Variants in PCDHA8 observed in about 807,000 individuals in gnomAD.
The protein encoded by PCDHA8 is protocadherin alpha-8.
Under a neutral mutation model 61.8 loss-of-function variants are expected in PCDHA8, and 53 were observed. The ratio of observed to expected loss-of-function variants is 0.86; its 90% CI spans 0.69 to 1.08. PCDHA8 has a LOEUF of 1.08. Among genes scored for constraint, PCDHA8 ranks in the 50% least tolerant of loss-of-function variants. PCDHA8 has a pLI of 0.00. For synonymous variants in PCDHA8, 618 were observed against 556.6 expected, an observed-to-expected ratio of 1.11 and a Z score of -1.55; for missense variants, 1,293 against 1,245.0, an observed-to-expected ratio of 1.04 and a Z score of -0.58.
intron 1 of PCDHA8, chr5:140,859,327 AAAT>A (rs2045812871): frequency 7.8e-6 from 1 of 128,784 alleles, no homozygotes; most frequent in Non-Finnish European, 1.8e-5. Flanking sequence ...TTTGAGGAGA[AAAT>A]AAAATTAATG....
chr5:140,879,491 T>G (rs2153367311), intron 1 of PCDHA8, among the ~76,000 whole-genome samples: 1 of 152,338 alleles, frequency 6.6e-6, no homozygotes. Flanking sequence ...AATATGGGTC[T>G]GGATCTCAGA....
At chr5:140,937,769 G>C (rs908179495) in intron 1 of PCDHA8, among the ~76,000 whole-genome samples, 1 of 151,776 alleles carries the variant, frequency 6.6e-6, no homozygotes, top group Non-Finnish European at 1.5e-5. Context: ...AAAATTAGTC[G>C]GGCGTGGTGG....
intron 1 of PCDHA8, chr5:140,864,760 T>C (rs1282604676): frequency 6.6e-6 from 1 of 152,230 alleles, no homozygotes; most frequent in Non-Finnish European, 1.5e-5. Flanking sequence ...TCATTTTTCT[T>C]TCATTTTTGG....
chr5:140,987,165 G>A lies in PCDHA8; in HGVS notation c.2542+4602G>A, dbSNP rs191129148. Among the ~76,000 whole-genome samples, 1,195 of 151,202 alleles carry A rather than the reference G, an allele frequency of 7.9e-3. 19 individuals are homozygous for A. The highest frequency in any genetic ancestry group is 0.027 in the African/African-American group (1,126 of 41,156). On this transcript the variant is annotated intron_variant, in intron 3 of 3. Transcript: ENST00000531613. ...GGAGGTGGAGGTTGCAGTGAGCTGA[G>A]ATTGCACCACTGCACTCCAGCCTGG...
rs782304851 is a variant in PCDHA8 at position 140,856,941 on chromosome 5, C to T, written c.2394+13226C>T. ...AGGAAATTTTGGATAAACGAAAGGA[C>T]GGGAGAAATAAAAGTAAATGATGCT... On this transcript the variant is annotated intron_variant, in intron 1 of 3. Coordinates refer to ENST00000531613, the MANE Select transcript of PCDHA8 (RefSeq NM_018911.3). The T allele has an allele frequency of 1.9e-6, 3 of 1,592,588 alleles. No homozygotes were observed. Among genetic ancestry groups the T allele is most frequent in the Admixed American group, 3.4e-5 (2 of 59,186 alleles).
chr5:140,921,486 G>A (rs782660925), intron 1 of PCDHA8, among the ~76,000 whole-genome samples: 1 of 152,128 alleles, frequency 6.6e-6, no homozygotes, highest in African/African-American at 2.4e-5. Flanking sequence ...CTCTACCTGA[G>A]ATTAGTTTAT....
In PCDHA8 at chr5:140,968,374, C is replaced by T. The variant is rs782537254; in HGVS notation, c.2395-10575C>T. On this transcript the variant is annotated intron_variant, in intron 1 of 3. Coordinates refer to ENST00000531613, the MANE Select transcript of PCDHA8 (RefSeq NM_018911.3). ...GTGGCAGCCTTTATGCTGTCAACTC[C>T]TTTGACTATGAGAAGTTTCGGGAGT... is the stretch of plus-strand genomic sequence containing the variant. 5.0e-6 allele frequency: 8 copies of T among 1,614,064 alleles called. No homozygotes were observed. The Admixed American group carries it at 1.0e-4, about 20-fold the overall frequency.
At chr5:140,984,597 T>TA (rs1554246418) in intron 3 of PCDHA8, among the ~76,000 whole-genome samples, 1 of 152,182 alleles carries the variant, frequency 6.6e-6, no homozygotes, top group East Asian at 1.9e-4. Flanking sequence ...TTTCAATACA[T>TA]ACCTCTGCAT....
intron 3 of PCDHA8, among the ~76,000 whole-genome samples, chr5:140,995,389 G>T (rs1377788418): frequency 6.6e-6 from 1 of 152,190 alleles, no homozygotes; most frequent in Non-Finnish European, 1.5e-5. Context: ...GCAGGATAAA[G>T]CGGGATGGCT....
chr5:140,909,719 C>T (rs2074652522), intron 1 of PCDHA8, among the ~76,000 whole-genome samples: 1 of 152,130 alleles, frequency 6.6e-6, no homozygotes, highest in Non-Finnish European at 1.5e-5. Flanking sequence ...ATACCTATGC[C>T]AATTATGCAT....
intron 3 of PCDHA8, among the ~76,000 whole-genome samples, chr5:140,996,055 C>A (rs1289526573): frequency 6.6e-6 from 1 of 152,164 alleles, no homozygotes; most frequent in Non-Finnish European, 1.5e-5. Flanking sequence ...GTGCTTGGCA[C>A]ACAGTAAAGA....
chr5:140,882,213 T>C, intron 1 of PCDHA8: 2 of 1,538,576 alleles, frequency 1.3e-6, no homozygotes, highest in Non-Finnish European at 1.8e-6. Flanking sequence ...TGAGAGACAG[T>C]TTGAGGTAAG....
At chr5:140,853,465 C>A in intron 1 of PCDHA8, 2 of 970,762 alleles carry the variant, frequency 2.1e-6, no homozygotes, top group Non-Finnish European at 2.5e-6. Context: ...TTATATGCAT[C>A]TGTAGTTAAC....
At chr5:140,870,671 A>T in intron 1 of PCDHA8, 1 of 1,612,606 alleles carries the variant, frequency 6.2e-7, no homozygotes, top group Non-Finnish European at 8.5e-7. Context: ...CAGCCGTTGG[A>T]CCACGAGGAG....
intron 3 of PCDHA8, among the ~76,000 whole-genome samples, chr5:141,002,246 C>T (rs1217451636): frequency 6.6e-6 from 1 of 152,190 alleles, no homozygotes; most frequent in Non-Finnish European, 1.5e-5. Flanking sequence ...CTTTATTAAC[C>T]TCAGCACTGA....
At chr5:140,871,089 C>T in intron 1 of PCDHA8, 1 of 1,613,254 alleles carries the variant, frequency 6.2e-7, no homozygotes, top group Non-Finnish European at 8.5e-7. Flanking sequence ...CGGCCACGGC[C>T]ACCGTGCTGG....
chr5:140,924,531 G>A (rs1194516404), intron 1 of PCDHA8, among the ~76,000 whole-genome samples: 2 of 152,070 alleles, frequency 1.3e-5, no homozygotes, highest in African/African-American at 2.4e-5. Flanking sequence ...GAGAATGCCC[G>A]AGCTACCCCT....
intron 1 of PCDHA8, chr5:140,928,535 G>A (rs1554205968): frequency 2.5e-6 from 4 of 1,614,224 alleles, no homozygotes; most frequent in East Asian, 2.2e-5. Context: ...GTGGTAGATA[G>A]GAATGACAAT....
chr5:140,991,534 T>C (rs1393603513), intron 3 of PCDHA8, among the ~76,000 whole-genome samples: 1 of 152,236 alleles, frequency 6.6e-6, no homozygotes, highest in African/African-American at 2.4e-5. Context: ...CTTGCCACTA[T>C]ATAACAAGGA....
Sources: gnomAD v4.1 joint callset for allele counts (sites outside exome capture counted in the v4.1 genomes callset) on GRCh38, gnomAD v4.1.1 for gene constraint, MANE v1.5 for transcripts, NCBI Gene and HGNC (gene_info 2026-07-23, HGNC 2026-07-21) for gene names.